FERMT1: variants seen among roughly 807,000 people sequenced by gnomAD.
FERMT1 encodes fermitin family homolog 1.
FERMT1 carries 60 observed loss-of-function variants against 85.3 expected under a neutral mutation model. The observed-to-expected ratio is 0.70, with a 90% confidence interval of 0.57 to 0.87. The LOEUF (loss-of-function observed/expected upper bound fraction) is 0.87, where lower values mean the gene tolerates loss of function less well. FERMT1 is among the 40% of genes least tolerant of loss of function. FERMT1 has a pLI of 0.00. For missense variants in FERMT1, 701 were observed against 818.9 expected (o/e 0.86, Z 1.76); for synonymous variants, 275 against 301.1 (o/e 0.91, Z 0.90).
At chr20:6,120,832 A>G (rs1304537681) in intron 1 of FERMT1, among the ~76,000 whole-genome samples, 1 of 152,206 alleles carries the variant, frequency 6.6e-6, no homozygotes, top group Non-Finnish European at 1.5e-5. Flanking sequence ...AACAGGCTCC[A>G]GATGTTGCTG....
At chr20:6,086,559 G>A (rs527884837) in intron 11 of FERMT1, among the ~76,000 whole-genome samples, 22 of 152,296 alleles carry the variant, frequency 1.4e-4, no homozygotes, top group Non-Finnish European at 7.4e-5. Flanking sequence ...CCCCTGATAA[G>A]GTTTGGCTCT....
rs1982143145 is a variant in FERMT1 at position 6,085,293 on chromosome 20, G to T, written c.1372-6C>A. 6.2e-7 allele frequency: 1 copy of T among 1,612,702 alleles called. No individual in the cohort carries two copies. The highest frequency in any genetic ancestry group is 1.7e-5 in the Admixed American group (1 of 60,026). On this transcript the variant is annotated splice_polypyrimidine_tract_variant and splice_region_variant and intron_variant, in intron 11 of 14. Coordinates refer to ENST00000217289, the MANE Select transcript of FERMT1 (RefSeq NM_017671.5). ...CATTGGGCGTATTGATTCTCCTGCA[G>T]CAAACAGAAGGTTGAGAAGCAAGCT... is the stretch of plus-strand genomic sequence containing the variant.
intron 8 of FERMT1, 101 bp downstream of exon 8, chr20:6,096,801 T>TTAAA: frequency 1.1e-6 from 1 of 925,434 alleles, no homozygotes; most frequent in Non-Finnish European, 1.6e-6. Context: ...TTTTTTTTTT[T>TTAAA]CAAAATCAGA....
At chr20:6,106,578 G>T (rs939827294) in intron 6 of FERMT1, among the ~76,000 whole-genome samples, 4 of 152,156 alleles carry the variant, frequency 2.6e-5, no homozygotes, top group African/African-American at 9.7e-5. Flanking sequence ...TCGACACTGG[G>T]CCATTGTACC....
chr20:6,093,779 A>C (rs1191920526), intron 9 of FERMT1, among the ~76,000 whole-genome samples: 2 of 152,204 alleles, frequency 1.3e-5, no homozygotes, highest in African/African-American at 4.8e-5. Context: ...CAACATGGTG[A>C]AATCCTGTCT....
chr20:6,090,739 T>A (rs1043682360), intron 9 of FERMT1, among the ~76,000 whole-genome samples: 7 of 151,336 alleles, frequency 4.6e-5, no homozygotes, highest in African/African-American at 1.7e-4. Context: ...AATAAATAAA[T>A]AAAATTTAAA....
At position 6,077,189 on chromosome 20, in the gene FERMT1, G is replaced by A; in HGVS notation, c.2018C>T (p.Thr673Ile). The change falls in exon 15 of 15, where the codon ACC becomes ATC. Residue 673 changes from threonine to isoleucine, a missense_variant. Coordinates refer to ENST00000217289, the MANE Select transcript of FERMT1 (RefSeq NM_017671.5). ...GTGCTTGTTTCAATCCTGACCGCCGGTCAATTTGTGGAACAAGTCCTCATC... is the reference window on the plus strand; with the variant it reads ...GTGCTTGTTTCAATCCTGACCGCCGATCAATTTGTGGAACAAGTCCTCATC... ...TLDEDLFHKL[T>I]GGQD 1 of 1,614,056 alleles carries A rather than the reference G, an allele frequency of 6.2e-7. No individual in the cohort carries two copies. Among genetic ancestry groups the A allele is most frequent in the African/African-American group, 1.3e-5 (1 of 75,042 alleles).
At chr20:6,097,664 A>T in intron 6 of FERMT1, 33 bp from the exon 7 acceptor site, 1 of 1,362,556 alleles carries the variant, frequency 7.3e-7, no homozygotes, top group Non-Finnish European at 1.1e-6. Context: ...GTGTGTAATG[A>T]GGTATATTTA....
chr20:6,103,845 T>A (rs1982727867), intron 6 of FERMT1, among the ~76,000 whole-genome samples: 1 of 150,024 alleles, frequency 6.7e-6, no homozygotes, highest in Non-Finnish European at 1.5e-5. Flanking sequence ...GGATTCTTCA[T>A]TTTTTGAGTC....
chr20:6,099,208 G>A lies in FERMT1; in HGVS notation c.850-1577C>T, dbSNP rs192627956. Among the ~76,000 whole-genome samples the A allele has an allele frequency of 2.1e-3, 325 of 152,132 alleles. 3 individuals carry two copies. The highest frequency in any genetic ancestry group is 4.1e-3 in the Non-Finnish European group (280 of 67,990). ...ACTTGAGGTCAGGAGTTTGAGACAC[G>A]CCTGGCCAACATGGTGAAACCCCGT... is the stretch of plus-strand genomic sequence containing the variant. On this transcript the variant is annotated intron_variant, in intron 6 of 14. Coordinates refer to ENST00000217289, the MANE Select transcript of FERMT1 (RefSeq NM_017671.5).
At chr20:6,122,422 G>A (rs1170523432) in intron 1 of FERMT1, among the ~76,000 whole-genome samples, 1 of 152,182 alleles carries the variant, frequency 6.6e-6, no homozygotes, top group Non-Finnish European at 1.5e-5. Flanking sequence ...AAAGATGAGG[G>A]GGAAACAGTC....
chr20:6,088,558 G>T (rs1982251811), intron 10 of FERMT1, among the ~76,000 whole-genome samples: 1 of 151,992 alleles, frequency 6.6e-6, no homozygotes, highest in Admixed American at 6.6e-5. Context: ...ACTGGTTCTG[G>T]TGGTTCCTCT....
rs59180891 is a variant in FERMT1 at position 6,107,199 on chromosome 20, CAAA to C, written c.849+330_849+332del. ...TGACAGAGCAAGACTCTGTCTCAAC[CAAA>C]AAAAAAAAAAAAAAAAAAAGAACTC... On this transcript the variant is annotated intron_variant, in intron 6 of 14. Coordinates refer to ENST00000217289, the MANE Select transcript of FERMT1 (RefSeq NM_017671.5). Among the ~76,000 whole-genome samples the C allele has an allele frequency of 0.042, 3,922 of 92,686 alleles. 186 individuals are homozygous for C. The highest frequency in any genetic ancestry group is 0.15 in the African/African-American group (3,710 of 24,386). The allele number at this position is 92,686 out of a possible 152,430, so 60.8% of individuals were successfully genotyped here. A position where few individuals can be genotyped will look rare whatever the true frequency, so the allele number is the denominator to read the frequency against.
Position 6,112,337 on chromosome 20 carries a change from T to TTGACTAGA in FERMT1, c.532+132_532+139dup. ...AAACACATTTCTGTTAATTCTAAACTTGACTAGATAGCCTTTCCTCATCAC... is the reference window on the plus strand; with the variant it reads ...AAACACATTTCTGTTAATTCTAAACTTGACTAGATGACTAGATAGCCTTTCCTCATCAC... On this transcript the variant is annotated intron_variant, in intron 4 of 14. Transcript: ENST00000217289. 3.7e-6 allele frequency: 3 copies of TTGACTAGA among 820,150 alleles called. No homozygotes were observed. In the South Asian group the frequency reaches 4.9e-5, roughly 13 times the overall value. The allele number at this position is 820,150 out of a possible 1,614,324, so 50.8% of individuals were successfully genotyped here.
chr20:6,078,655 T>TG (rs1568651765), intron 14 of FERMT1, among the ~76,000 whole-genome samples: 10 of 151,518 alleles, frequency 6.6e-5, no homozygotes, highest in African/African-American at 2.4e-4. Context: ...TGTTTTTTTT[T>TG]TTTTTAATTT....
intron 9 of FERMT1, among the ~76,000 whole-genome samples, chr20:6,092,479 G>T (rs1982395333): frequency 6.6e-6 from 1 of 152,060 alleles, no homozygotes; most frequent in Non-Finnish European, 1.5e-5. Context: ...TGAGGTAGAG[G>T]CTGCAGTGAG....
chr20:6,101,998 T>C (rs186248109), intron 6 of FERMT1, among the ~76,000 whole-genome samples: 28 of 152,296 alleles, frequency 1.8e-4, no homozygotes, highest in African/African-American at 6.0e-4. Context: ...TGGTAAAATA[T>C]ATGTAACATA....
At position 6,119,293 on chromosome 20, in the gene FERMT1, T is replaced by C. The variant is rs192326500; in HGVS notation, c.151+111A>G. 1,357 of 1,105,558 alleles carry C rather than the reference T, an allele frequency of 1.2e-3. 12 individuals carry two copies. The African/African-American group carries it at 0.019, about 15-fold the overall frequency. 68.5% of individuals were successfully genotyped at this position (1,105,558 alleles called of 1,614,324 possible). A position where few individuals can be genotyped will look rare whatever the true frequency, so the allele number is the denominator to read the frequency against. On this transcript the variant is annotated intron_variant, in intron 2 of 14. Transcript: ENST00000217289. ...TCTGGGATGAGGGGTGGGGGATTGC[T>C]CTCCAGGGCATTACAAGATAAATGA...
intron 3 of FERMT1, among the ~76,000 whole-genome samples, chr20:6,115,498 G>A (rs558912835): frequency 6.6e-6 from 1 of 152,306 alleles, no homozygotes; most frequent in South Asian, 2.1e-4. Flanking sequence ...CTTAAATACT[G>A]TACAATAATG....
Sources: gnomAD v4.1 joint callset for allele counts (sites outside exome capture counted in the v4.1 genomes callset) on GRCh38, gnomAD v4.1.1 for gene constraint, MANE v1.5 for transcripts, NCBI Gene and HGNC (gene_info 2026-07-23, HGNC 2026-07-21) for gene names.